The following PRRC2B variants were observed in gnomAD, a reference collection of about 807,000 sequenced individuals.
PRRC2B encodes protein PRRC2B.
In PRRC2B, 68 loss-of-function variants were observed where a neutral mutation model predicts 242.3. The observed-to-expected ratio is 0.28, with a 90% confidence interval of 0.23 to 0.34. The LOEUF (loss-of-function observed/expected upper bound fraction) is 0.34. Among genes scored for constraint, PRRC2B ranks in the 10% least tolerant of loss-of-function variants. The pLI, the probability that PRRC2B is intolerant of heterozygous loss-of-function variation, is 1.00. For missense variants in PRRC2B, 2,835 were observed against 2,954.8 expected, an observed-to-expected ratio of 0.96 and a Z score of 0.94; for synonymous variants, 1,228 against 1,173.6, an observed-to-expected ratio of 1.05 and a Z score of -0.95.
chr9:131,448,969 C>T (rs761041820), intron 9 of PRRC2B, among the ~76,000 whole-genome samples: 4 of 152,174 alleles, frequency 2.6e-5, no homozygotes, highest in East Asian at 1.9e-4. Context: ...GCCCTGCCAC[C>T]GCTCAAGGGC....
rs1406661058 is a variant in PRRC2B at position 131,470,677 on chromosome 9, C to G, written c.1912-111C>G. On this transcript the variant is annotated intron_variant, in intron 13 of 31. Transcript: ENST00000683519. The stretch of plus-strand genomic sequence containing the variant: ...TCCCTCCCCTCCTTGGTCTTCTGTT[C>G]TAGGTGGGCTTTCTGTGCTGCCAGC... 1.8e-5 allele frequency: 15 copies of G among 817,430 alleles called. No homozygotes were observed. In the East Asian group the frequency reaches 3.6e-4, roughly 19 times the overall value. The allele number at this position is 817,430 out of a possible 1,614,324, so 50.6% of individuals were successfully genotyped here.
intron 13 of PRRC2B, among the ~76,000 whole-genome samples, chr9:131,468,642 G>T (rs1943459505): frequency 6.6e-6 from 1 of 152,030 alleles, no homozygotes; most frequent in Non-Finnish European, 1.5e-5. Flanking sequence ...GCATTTTGGT[G>T]GGACACTGAG....
At position 131,475,918 on chromosome 9, in the gene PRRC2B, TGACGCATTTGGTGGCCGG is replaced by T; in HGVS notation, c.3791_3808del (p.Asp1264_Arg1269del). 1.2e-6 allele frequency: 2 copies of T among 1,613,750 alleles called. No homozygotes were observed. The highest frequency in any genetic ancestry group is 1.7e-6 in the Non-Finnish European group (2 of 1,179,796). On this transcript the variant is annotated inframe_deletion, in exon 16 of 32. Coordinates refer to ENST00000683519, the MANE Select transcript of PRRC2B (RefSeq NM_013318.4). ...ATGTCCCAGATTCCTACAGACACCCTGACGCATTTGGTGGCCGGGGCTTTGAGGACAGCCGCGCGGAGG... is the reference window on the plus strand; with the variant it reads ...ATGTCCCAGATTCCTACAGACACCCTGGCTTTGAGGACAGCCGCGCGGAGG...
intron 14 of PRRC2B, 85 bp downstream of exon 14, chr9:131,471,068 C>T: frequency 2.0e-6 from 2 of 983,524 alleles, no homozygotes; most frequent in Non-Finnish European, 3.0e-6. Context: ...TAAACAGATA[C>T]ACCTGGATTT....
chr9:131,447,582 G>C, intron 8 of PRRC2B, 80 bp from the exon 9 acceptor site: 1 of 1,320,904 alleles, frequency 7.6e-7, no homozygotes, highest in Non-Finnish European at 1.0e-6. Context: ...TTTGCAGTGT[G>C]GAATTTATTT....
At chr9:131,489,032 G>A (rs1304457936) in intron 28 of PRRC2B, among the ~76,000 whole-genome samples, 1 of 152,068 alleles carries the variant, frequency 6.6e-6, no homozygotes, top group Non-Finnish European at 1.5e-5. Flanking sequence ...TGGTGCCCTT[G>A]TTCACATGGG....
In PRRC2B at chr9:131,499,840, G is replaced by A. The variant is rs1944420261; in HGVS notation, c.*3966G>A. 1 of 152,252 alleles carries A rather than the reference G, an allele frequency of 6.6e-6. No individual in the cohort carries two copies. The highest frequency in any genetic ancestry group is 2.4e-5 in the African/African-American group (1 of 41,456). 9.4% of individuals were successfully genotyped at this position (152,252 alleles called of 1,614,324 possible). On this transcript the variant is annotated 3_prime_UTR_variant, in exon 32 of 32. Coordinates refer to ENST00000683519, the MANE Select transcript of PRRC2B (RefSeq NM_013318.4). Reference sequence around the variant, plus strand: ...TCAAGCTTTTGACCTCATGCCTTGTGTAGTAAAAAAGGATTTGGGGGTTTT... The same window carrying A: ...TCAAGCTTTTGACCTCATGCCTTGTATAGTAAAAAAGGATTTGGGGGTTTT...
chr9:131,482,424 T>C lies in PRRC2B; in HGVS notation c.5037T>C (p.Ser1679=). The C allele has an allele frequency of 6.2e-7, 1 of 1,602,886 alleles. No homozygotes were observed. Among genetic ancestry groups the C allele is most frequent in the Non-Finnish European group, 8.5e-7 (1 of 1,170,936 alleles). ...GDSGVDLSAE[S]RESSATSSQR... is the part of the protein sequence containing the mutation. Reference sequence around the variant, plus strand: ...GTGGCGTTGACTTGAGTGCCGAGTCTCGGGAGTCGTCTGCGACCTCCTCGC... The same window carrying C: ...GTGGCGTTGACTTGAGTGCCGAGTCCCGGGAGTCGTCTGCGACCTCCTCGC... Residue 1679 remains serine (S), a synonymous_variant, in exon 21 of 32, where the codon TCT becomes TCC. Transcript: ENST00000683519. This position sits in a 1 kb window ranked among gnomAD's most constrained non-coding sequence, Gnocchi z 5.2.
intron 13 of PRRC2B, among the ~76,000 whole-genome samples, chr9:131,468,426 A>G (rs1943453510): frequency 6.6e-6 from 1 of 152,012 alleles, no homozygotes; most frequent in Non-Finnish European, 1.5e-5. Context: ...TATTGGTGTC[A>G]CCGTTATTGG....
At chr9:131,384,692 A>C (rs1166229114) in intron 1 of PRRC2B, among the ~76,000 whole-genome samples, 2 of 152,036 alleles carry the variant, frequency 1.3e-5, no homozygotes, top group Non-Finnish European at 2.9e-5. Flanking sequence ...TGCTGGGATT[A>C]CAGGCGTGAG....
chr9:131,412,090 A>C (rs1837522262), intron 1 of PRRC2B, among the ~76,000 whole-genome samples: 2 of 152,062 alleles, frequency 1.3e-5, no homozygotes, highest in Non-Finnish European at 1.5e-5. Context: ...TACAGGTGTG[A>C]GCCACTGTAC....
At chr9:131,404,762 A>G (rs1410952398) in intron 1 of PRRC2B, among the ~76,000 whole-genome samples, 2 of 152,246 alleles carry the variant, frequency 1.3e-5, no homozygotes, top group Non-Finnish European at 2.9e-5. Context: ...TATTTTAGCA[A>G]CTGCAGAGAA....
chr9:131,480,460 G>A (rs932639569), intron 19 of PRRC2B, among the ~76,000 whole-genome samples: 8 of 152,174 alleles, frequency 5.3e-5, no homozygotes. Flanking sequence ...GAGCTGCCAG[G>A]TGTGAATCAG....
At chr9:131,406,701 G>GA (rs1277966818) in intron 1 of PRRC2B, among the ~76,000 whole-genome samples, 10 of 152,156 alleles carry the variant, frequency 6.6e-5, no homozygotes, top group Admixed American at 2.0e-4. Flanking sequence ...TGCAGTGTAG[G>GA]AAACCTAGTC....
At chr9:131,427,220 C>G (rs1483972277) in intron 1 of PRRC2B, among the ~76,000 whole-genome samples, 2 of 152,210 alleles carry the variant, frequency 1.3e-5, no homozygotes. Flanking sequence ...TGCGCACTTG[C>G]GTGTTTGACA....
chr9:131,475,153 T>C lies in PRRC2B; in HGVS notation c.3024T>C (p.Pro1008=). Reference sequence around the variant, plus strand: ...CCACCACTTTGGAGGACAAAGGCCCTGGCCATGCCACTTTTGGCCGCGAGG... The same window carrying C: ...CCACCACTTTGGAGGACAAAGGCCCCGGCCATGCCACTTTTGGCCGCGAGG... The part of the protein sequence containing the change: ...SSTTTLEDKG[P]GHATFGREAT... Residue 1008 remains proline, a synonymous_variant, in exon 16 of 32, where the codon CCT becomes CCC. Coordinates refer to ENST00000683519, the MANE Select transcript of PRRC2B (RefSeq NM_013318.4). 1 of 1,613,224 alleles carries C rather than the reference T, an allele frequency of 6.2e-7. No individual in the cohort carries two copies. Among genetic ancestry groups the C allele is most frequent in the Non-Finnish European group, 8.5e-7 (1 of 1,179,606 alleles).
At position 131,475,569 on chromosome 9, in the gene PRRC2B, G is replaced by A. The variant is rs748454910; in HGVS notation, c.3440G>A (p.Arg1147His). Residue 1147 changes from arginine to histidine, a missense_variant, in exon 16 of 32, where the codon CGC becomes CAC. Around this residue, in one of 7 missense-constraint regions of PRRC2B, gnomAD observed 1,536 missense variants for 1,483.1 expected, o/e 1.04. Coordinates refer to ENST00000683519, the MANE Select transcript of PRRC2B (RefSeq NM_013318.4). The stretch of plus-strand genomic sequence containing the variant: ...TCAGAGTATGAAGAACTTCCCAAGC[G>A]CCGCCGGCAGAGGGGCTCCGAGAAC... ...EGSEYEELPK[R>H]RRQRGSENGN... is the part of the protein sequence containing the mutation. 10 of 1,612,688 alleles carry A rather than the reference G, an allele frequency of 6.2e-6. No homozygotes were observed. The highest frequency in any genetic ancestry group is 2.7e-5 in the African/African-American group (2 of 74,938).
intron 1 of PRRC2B, among the ~76,000 whole-genome samples, chr9:131,400,423 A>T (rs781522215): frequency 2.6e-5 from 4 of 151,900 alleles, no homozygotes; most frequent in Non-Finnish European, 4.4e-5. Flanking sequence ...GGTTCAAGCA[A>T]TTCTCGTGCC....
At chr9:131,468,459 T>C (rs1943454332) in intron 13 of PRRC2B, among the ~76,000 whole-genome samples, 1 of 152,200 alleles carries the variant, frequency 6.6e-6, no homozygotes, top group Non-Finnish European at 1.5e-5. Flanking sequence ...TTTATTTTTA[T>C]TTTTTTATAA....
Sources: gnomAD v4.1 joint callset for allele counts (sites outside exome capture counted in the v4.1 genomes callset) on GRCh38, gnomAD v4.1.1 for gene constraint, gnomAD v4.1.1 regional missense constraint, Gnocchi (gnomAD v3.1) non-coding constraint, MANE v1.5 for transcripts, NCBI Gene and HGNC (gene_info 2026-07-23, HGNC 2026-07-21) for gene names.